NXPH1: variants seen among roughly 807,000 people sequenced by gnomAD.
NXPH1 encodes the protein neurexophilin-1.
Under a neutral mutation model 23.7 loss-of-function variants are expected in NXPH1, and 5 were observed. The observed-to-expected ratio is 0.21, with a 90% CI of 0.11 to 0.44. The LOEUF (loss-of-function observed/expected upper bound fraction) is 0.44, where lower values mean the gene tolerates loss of function less well. NXPH1 is among the 20% of genes least tolerant of loss of function. The pLI, the probability that NXPH1 is intolerant of heterozygous loss-of-function variation, is 0.99. For synonymous variants in NXPH1, 144 were observed against 122.2 expected (o/e 1.18, Z -1.18); for missense variants, 324 against 321.6 (o/e 1.01, Z -0.06).
intron 2 of NXPH1, among the ~76,000 whole-genome samples, chr7:8,631,330 A>G (rs1820123622): frequency 6.6e-6 from 1 of 152,192 alleles, no homozygotes; most frequent in Non-Finnish European, 1.5e-5. Context: ...AACCTGGAAG[A>G]CATCCTAGGC....
chr7:8,512,271 G>A (rs553183884), intron 2 of NXPH1, among the ~76,000 whole-genome samples: 3 of 152,138 alleles, frequency 2.0e-5, no homozygotes, highest in Non-Finnish European at 2.9e-5. Flanking sequence ...GGGGTTATGA[G>A]CTAGATCCCT....
chr7:8,747,475 T>A (rs1780490504), intron 2 of NXPH1, among the ~76,000 whole-genome samples: 1 of 152,204 alleles, frequency 6.6e-6, no homozygotes, highest in African/African-American at 2.4e-5. Context: ...TTCTTTGGGA[T>A]AATTTCGTTA....
intron 2 of NXPH1, among the ~76,000 whole-genome samples, chr7:8,708,485 C>T (rs184883407): frequency 3.7e-4 from 56 of 152,098 alleles, no homozygotes; most frequent in Non-Finnish European, 7.2e-4. Context: ...CTTAGCCTCC[C>T]GTGTAGCTGG....
At chr7:8,595,139 AAAAAT>A (rs1819192717) in intron 2 of NXPH1, among the ~76,000 whole-genome samples, 1 of 152,046 alleles carries the variant, frequency 6.6e-6, no homozygotes, top group Non-Finnish European at 1.5e-5. Flanking sequence ...TCTGTCTTTT[AAAAAT>A]GACATTTGGT....
At chr7:8,639,254 T>C (rs1444034528) in intron 2 of NXPH1, among the ~76,000 whole-genome samples, 1 of 152,210 alleles carries the variant, frequency 6.6e-6, no homozygotes, top group Non-Finnish European at 1.5e-5. Flanking sequence ...CTAGAACTAT[T>C]TTAATTTGGA....
chr7:8,663,890 T>A (rs760535866), intron 2 of NXPH1, among the ~76,000 whole-genome samples: 1 of 152,068 alleles, frequency 6.6e-6, no homozygotes, highest in Non-Finnish European at 1.5e-5. Context: ...TTATTTCTTC[T>A]CAAAGGTCTT....
chr7:8,504,831 G>T (rs190599233), intron 2 of NXPH1, among the ~76,000 whole-genome samples: 1 of 152,164 alleles, frequency 6.6e-6, no homozygotes, highest in East Asian at 1.9e-4. Flanking sequence ...GAGAAGATGG[G>T]CAACTGAAAA....
At chr7:8,504,851 A>G (rs894513798) in intron 2 of NXPH1, among the ~76,000 whole-genome samples, 4 of 152,100 alleles carry the variant, frequency 2.6e-5, no homozygotes, top group African/African-American at 9.6e-5. Context: ...ACCAGGAAGC[A>G]GATCCTCACC....
chr7:8,461,681 T>C (rs1336969566), intron 2 of NXPH1, among the ~76,000 whole-genome samples: 1 of 146,962 alleles, frequency 6.8e-6, no homozygotes, highest in Non-Finnish European at 1.5e-5. Context: ...ATACAAAAAA[T>C]TAGCCGGGCG....
chr7:8,498,860 G>A (rs756262189), intron 2 of NXPH1, among the ~76,000 whole-genome samples: 28 of 152,088 alleles, frequency 1.8e-4, no homozygotes, highest in Non-Finnish European at 3.4e-4. Context: ...CAAATAGAAT[G>A]TAGGTTAGAG....
chr7:8,451,128 C>G (rs1412961470), intron 2 of NXPH1, among the ~76,000 whole-genome samples: 1 of 125,930 alleles, frequency 7.9e-6, no homozygotes, highest in Non-Finnish European at 1.6e-5. Flanking sequence ...TTTTTTTCAA[C>G]TATCATCTGT....
At chr7:8,723,591 C>T (rs1284303855) in intron 2 of NXPH1, among the ~76,000 whole-genome samples, 1 of 152,048 alleles carries the variant, frequency 6.6e-6, no homozygotes, top group African/African-American at 2.4e-5. Context: ...AGAAGAATGC[C>T]ACCTTTTCTT....
chr7:8,525,622 T>C (rs565623301), intron 2 of NXPH1, among the ~76,000 whole-genome samples: 1 of 152,192 alleles, frequency 6.6e-6, no homozygotes, highest in East Asian at 1.9e-4. Context: ...TCCCATGCTG[T>C]GGGCAGGCTA....
At chr7:8,737,230 G>T (rs1216568228) in intron 2 of NXPH1, among the ~76,000 whole-genome samples, 2 of 152,070 alleles carry the variant, frequency 1.3e-5, no homozygotes, top group Non-Finnish European at 2.9e-5. Flanking sequence ...TAGTGTTGAT[G>T]GTCTTTACAG....
chr7:8,646,079 G>T (rs937108675), intron 2 of NXPH1, among the ~76,000 whole-genome samples: 9 of 152,008 alleles, frequency 5.9e-5, no homozygotes, highest in African/African-American at 1.7e-4. Flanking sequence ...TTGAAAAATT[G>T]ACATCTTTTA....
intron 2 of NXPH1, among the ~76,000 whole-genome samples, chr7:8,479,906 C>G (rs1451104328): frequency 6.6e-6 from 1 of 152,088 alleles, no homozygotes; most frequent in African/African-American, 2.4e-5. Flanking sequence ...CGCAAGAGAA[C>G]TAGTTCGTTG....
intron 2 of NXPH1, among the ~76,000 whole-genome samples, chr7:8,573,829 G>A (rs886506861): frequency 6.6e-6 from 1 of 152,076 alleles, no homozygotes; most frequent in African/African-American, 2.4e-5. Context: ...TATGCCATTG[G>A]CTCCTGATGT....
chr7:8,509,964 C>A (rs1248552746), intron 2 of NXPH1, among the ~76,000 whole-genome samples: 1 of 152,092 alleles, frequency 6.6e-6, no homozygotes, highest in African/African-American at 2.4e-5. Flanking sequence ...AGTGAAAAAT[C>A]CTGTTATAAA....
intron 2 of NXPH1, among the ~76,000 whole-genome samples, chr7:8,619,021 G>A (rs978138317): frequency 1.3e-5 from 2 of 152,138 alleles, no homozygotes; most frequent in African/African-American, 4.8e-5. Context: ...GAAAAGTTTA[G>A]TATGTACAAA....
Sources: gnomAD v4.1 joint callset for allele counts (sites outside exome capture counted in the v4.1 genomes callset) on GRCh38, gnomAD v4.1.1 for gene constraint, MANE v1.5 for transcripts, NCBI Gene and HGNC (gene_info 2026-07-23, HGNC 2026-07-21) for gene names.